RBM10: variants seen among roughly 807,000 people sequenced by gnomAD.
RBM10 encodes RNA binding motif protein 10, also known as RNA-binding protein 10.
In RBM10, 1 loss-of-function variant was observed where a neutral mutation model predicts 84.9. That is an observed-to-expected ratio of 0.01 (90% CI 0.00 to 0.06). The LOEUF is 0.06. Ranked by LOEUF, RBM10 falls within the 10% of genes least tolerant of loss-of-function variation. The pLI, the probability that RBM10 is intolerant of heterozygous loss-of-function variation, is 1.00. For missense variants in RBM10, 438 were observed against 839.0 expected, an observed-to-expected ratio of 0.52 and a Z score of 5.90; for synonymous variants, 326 against 344.5, an observed-to-expected ratio of 0.95 and a Z score of 0.60.
At position 47,180,485 on chromosome X, in the gene RBM10, G is replaced by A. The variant is rs1356860605; in HGVS notation, c.1227G>A (p.Ala409=). The A allele has an allele frequency of 8.3e-6, 10 of 1,208,152 alleles. No homozygotes were observed. The Admixed American group carries it at 2.0e-4, about 24-fold the overall frequency. ...AASVASTAIA[A]AQWAISQASQ... ...CTGTGGCCAGCACTGCCATTGCTGC[G>A]GCCCAGTGGGCCATCTCACAGGTAC... Residue 409 remains alanine (A), a synonymous_variant, in exon 12 of 24, where the codon GCG becomes GCA. Transcript: ENST00000377604.
intron 1 of RBM10, among the ~76,000 whole-genome samples, chrX:47,147,150 G>C (rs1400741574): frequency 8.9e-6 from 1 of 111,917 alleles, no homozygotes; most frequent in African/African-American, 3.2e-5. Flanking sequence ...TTCTAGGGCA[G>C]TGGGCTCTAG....
intron 1 of RBM10, among the ~76,000 whole-genome samples, chrX:47,146,805 C>T (rs782625343): frequency 1.8e-5 from 2 of 111,298 alleles, no homozygotes; most frequent in South Asian, 3.8e-4. Flanking sequence ...GCAGCTGTCT[C>T]GTCGCCAAGT....
At chrX:47,145,628 T>G (rs1932076164) in intron 1 of RBM10, 143 bp downstream of exon 1, 1 of 410,525 alleles carries the variant, frequency 2.4e-6, no homozygotes, top group South Asian at 5.5e-5. Context: ...AGGGTTTTTT[T>G]TTTTTTGGTT....
At chrX:47,163,584 T>C (rs1314976768) in intron 2 of RBM10, among the ~76,000 whole-genome samples, 1 of 111,927 alleles carries the variant, frequency 8.9e-6, no homozygotes, top group Non-Finnish European at 1.9e-5. Flanking sequence ...CCTCCCAAAG[T>C]GCTGGAATTA....
intron 2 of RBM10, among the ~76,000 whole-genome samples, chrX:47,152,064 C>G (rs1932808710): frequency 9.0e-6 from 1 of 111,202 alleles, no homozygotes; most frequent in Non-Finnish European, 1.9e-5. Context: ...ATAAAAAAAT[C>G]AGCCAGGCGT....
Position 47,145,290 on chromosome X carries a change from C to T in RBM10, c.-321C>T, listed in dbSNP as rs1362401098. On this transcript the variant is annotated 5_prime_UTR_variant, in exon 1 of 24. Coordinates refer to ENST00000377604, the MANE Select transcript of RBM10 (RefSeq NM_005676.5). Reference sequence around the variant, plus strand: ...GCCATTTTGAGCTGGTGACTGTGGCCGGCTGGGAGTAGGCGGCAGTGAGTT... The same window carrying T: ...GCCATTTTGAGCTGGTGACTGTGGCTGGCTGGGAGTAGGCGGCAGTGAGTT... 3 of 582,768 alleles carry T rather than the reference C, an allele frequency of 5.1e-6. No homozygotes were observed. The highest frequency in any genetic ancestry group is 8.5e-6 in the Non-Finnish European group (3 of 354,496). The allele number at this position is 582,768 out of a possible 1,213,427, so 48.0% of individuals were successfully genotyped here.
At chrX:47,173,897 C>CTCTCTCTCTCTCTCTCTA (rs1934878236) in intron 5 of RBM10, among the ~76,000 whole-genome samples, 1 of 89,312 alleles carries the variant, frequency 1.1e-5, no homozygotes, top group Non-Finnish European at 2.1e-5. Context: ...CCATCTCTCT[C>CTCTCTCTCTCTCTCTCTA]TCTCTCTCTC....
At position 47,180,016 on chromosome X, in the gene RBM10, C is replaced by T; in HGVS notation, c.1038C>T (p.Ala346=). 1 of 1,211,849 alleles carries T rather than the reference C, an allele frequency of 8.3e-7. No individual in the cohort carries two copies. The highest frequency in any genetic ancestry group is 1.1e-6 in the Non-Finnish European group (1 of 895,491). ...AGACCCAACTGAACCGCGGCTTTGC[C>T]TTCATCCAGCTCTCCACCATCGTGG... is the stretch of plus-strand genomic sequence containing the variant. ...DKQTQLNRGF[A]FIQLSTIVEA... Residue 346 remains alanine, a synonymous_variant, in exon 10 of 24, where the codon GCC becomes GCT. Transcript: ENST00000377604.
At chrX:47,175,929 A>G (rs1324480835) in intron 6 of RBM10, among the ~76,000 whole-genome samples, 1 of 111,738 alleles carries the variant, frequency 8.9e-6, no homozygotes, top group East Asian at 2.8e-4. Context: ...AGAATGGGGG[A>G]TCCCGGCAGA....
chrX:47,185,420 C>G (rs782415962), intron 19 of RBM10, 22 bp from the exon 20 acceptor site: 1 of 1,174,513 alleles, frequency 8.5e-7, no homozygotes, highest in African/African-American at 1.8e-5. Flanking sequence ...CAGGCCTGAC[C>G]GCCCACCCTC....
chrX:47,181,448 C>T (rs1935529413), intron 13 of RBM10, 47 bp downstream of exon 13: 1 of 1,206,534 alleles, frequency 8.3e-7, no homozygotes, highest in African/African-American at 1.7e-5. Context: ...GGCCAGCAGG[C>T]ATAAAGTCCC....
rs371562247 is a variant in RBM10, at chrX:47,180,519, C to T, written c.1248+13C>T. The T allele has an allele frequency of 8.3e-7, 1 of 1,209,164 alleles. No individual in the cohort carries two copies. Among genetic ancestry groups the T allele is most frequent in the Non-Finnish European group, 1.1e-6 (1 of 894,653 alleles). Reference sequence around the variant, plus strand: ...GGCCATCTCACAGGTACTCAGACCCCTTGTGCCTCCCAGCGTCCTGAGACC... The same window carrying T: ...GGCCATCTCACAGGTACTCAGACCCTTTGTGCCTCCCAGCGTCCTGAGACC... On this transcript the variant is annotated intron_variant, in intron 12 of 23. Coordinates refer to ENST00000377604, the MANE Select transcript of RBM10 (RefSeq NM_005676.5).
At chrX:47,168,910 G>A (rs1934434549) in intron 2 of RBM10, among the ~76,000 whole-genome samples, 1 of 111,435 alleles carries the variant, frequency 9.0e-6, no homozygotes, top group Non-Finnish European at 1.9e-5. Flanking sequence ...CCACAACCAA[G>A]GTGCCCCATG....
intron 2 of RBM10, among the ~76,000 whole-genome samples, chrX:47,165,437 C>T (rs1446388771): frequency 4.9e-5 from 5 of 101,885 alleles, no homozygotes; most frequent in Non-Finnish European, 9.9e-5. Context: ...ATCGCTTGAA[C>T]CCGGGAGGCA....
intron 3 of RBM10, 107 bp downstream of exon 3, chrX:47,169,605 C>A: frequency 1.2e-6 from 1 of 856,443 alleles, no homozygotes; most frequent in Non-Finnish European, 1.6e-6. Context: ...CCCGTGCCTT[C>A]AGACTGTGCT....
intron 2 of RBM10, among the ~76,000 whole-genome samples, chrX:47,167,285 C>T (rs186548213): frequency 2.0e-3 from 223 of 109,182 alleles, no homozygotes; most frequent in African/African-American, 6.2e-3. Context: ...GTAATCTTTT[C>T]TGTGGCTTCT....
Position 47,163,767 on chromosome X carries a change from A to G in RBM10, c.18-5548A>G, listed in dbSNP as rs190570152. 2.0e-4 allele frequency among the ~76,000 whole-genome samples: 22 copies of G among 107,780 alleles called. 1 individual carries two copies. Among genetic ancestry groups the G allele is most frequent in the African/African-American group, 7.2e-4 (21 of 29,234 alleles). The allele number at this position is 107,780 out of a possible 115,157, so 93.6% of individuals were successfully genotyped here. A position where few individuals can be genotyped will look rare whatever the true frequency, so the allele number is the denominator to read the frequency against. Reference sequence around the variant, plus strand: ...GAGTGCAGTGGCGCGATCTCGGCTCACTGCAAGCTCCGCCTCCCAGGTTCA... The same window carrying G: ...GAGTGCAGTGGCGCGATCTCGGCTCGCTGCAAGCTCCGCCTCCCAGGTTCA... On this transcript the variant is annotated intron_variant, in intron 2 of 23. Coordinates refer to ENST00000377604, the MANE Select transcript of RBM10 (RefSeq NM_005676.5).
intron 4 of RBM10, among the ~76,000 whole-genome samples, chrX:47,171,964 G>C (rs973933573): frequency 3.6e-5 from 4 of 112,004 alleles, no homozygotes; most frequent in African/African-American, 1.3e-4. Flanking sequence ...TTTTGTAACA[G>C]AGAAAATCCC....
intron 2 of RBM10, among the ~76,000 whole-genome samples, chrX:47,151,973 A>C (rs1163657054): frequency 9.0e-6 from 1 of 111,640 alleles, no homozygotes; most frequent in Non-Finnish European, 1.9e-5. Context: ...GCACCTTGGG[A>C]GGCCAAGGTG....
Sources: gnomAD v4.1 joint callset for allele counts (sites outside exome capture counted in the v4.1 genomes callset) on GRCh38, gnomAD v4.1.1 for gene constraint, MANE v1.5 for transcripts, NCBI Gene and HGNC (gene_info 2026-07-23, HGNC 2026-07-21) for gene names.